Variants in ANKS1B observed in about 807,000 individuals in gnomAD.
ANKS1B encodes ankyrin repeat and sterile alpha motif domain-containing protein 1B.
ANKS1B carries 36 observed loss-of-function variants against 148.3 expected under a neutral mutation model. The ratio of observed to expected loss-of-function variants is 0.24; its 90% CI spans 0.19 to 0.32. The LOEUF (loss-of-function observed/expected upper bound fraction) is 0.32, where lower values mean the gene tolerates loss of function less well. ANKS1B is among the 10% of genes least tolerant of loss of function. The pLI, the probability that ANKS1B is intolerant of heterozygous loss-of-function variation, is 1.00. For missense variants in ANKS1B, 1,157 were observed against 1,542.6 expected, an observed-to-expected ratio of 0.75 and a Z score of 4.19; for synonymous variants, 542 against 560.8, an observed-to-expected ratio of 0.97 and a Z score of 0.47.
chr12:98,884,805 C>CAA (rs35160751), intron 17 of ANKS1B, among the ~76,000 whole-genome samples: 4,271 of 83,424 alleles, frequency 0.051, 317 homozygotes, highest in African/African-American at 0.16. Flanking sequence ...GACTCCGTCT[C>CAA]AAAAAAAAAA....
At chr12:99,291,206 T>C (rs1247570797) in intron 12 of ANKS1B, among the ~76,000 whole-genome samples, 40 of 151,938 alleles carry the variant, frequency 2.6e-4, no homozygotes, top group Admixed American at 2.6e-3. Flanking sequence ...ATAAAAACTG[T>C]AAAACACTGA....
chr12:99,913,248 T>C (rs180894995), intron 1 of ANKS1B, among the ~76,000 whole-genome samples: 75 of 152,318 alleles, frequency 4.9e-4, no homozygotes, highest in Admixed American at 8.5e-4. Context: ...GAAAGATTCC[T>C]TTGAAAAATT....
rs557982697 is a variant in ANKS1B at position 99,566,357 on chromosome 12, A to T, written c.1273-61716T>A. On this transcript the variant is annotated intron_variant, in intron 9 of 26. Coordinates refer to ENST00000683438, the MANE Select transcript of ANKS1B (RefSeq NM_001352186.2). ...CTTTCCATAAGATGGCAGAATGCACAATTTTGCTAATAGTTCTGCAAGTAT... is the reference window on the plus strand; with the variant it reads ...CTTTCCATAAGATGGCAGAATGCACTATTTTGCTAATAGTTCTGCAAGTAT... 3.3e-5 allele frequency among the ~76,000 whole-genome samples: 5 copies of T among 152,312 alleles called. No individual in the cohort carries two copies. The South Asian group carries it at 1.0e-3, about 32-fold the overall frequency.
chr12:99,106,540 G>C (rs2059257598), intron 15 of ANKS1B, among the ~76,000 whole-genome samples: 1 of 152,218 alleles, frequency 6.6e-6, no homozygotes, highest in Non-Finnish European at 1.5e-5. Flanking sequence ...TGGGCAAGAA[G>C]TGCTTTTAAA....
At chr12:99,625,363 C>T (rs2098101600) in intron 9 of ANKS1B, among the ~76,000 whole-genome samples, 1 of 152,012 alleles carries the variant, frequency 6.6e-6, no homozygotes, top group South Asian at 2.1e-4. Flanking sequence ...AGCAAATCTG[C>T]ACATGTACCC....
intron 9 of ANKS1B, among the ~76,000 whole-genome samples, chr12:99,571,197 TA>T (rs2097451829): frequency 6.6e-6 from 1 of 152,114 alleles, no homozygotes; most frequent in African/African-American, 2.4e-5. Context: ...GCATGTGATT[TA>T]CCATAACATG....
At chr12:99,087,597 T>A (rs947464749) in intron 15 of ANKS1B, among the ~76,000 whole-genome samples, 12 of 152,230 alleles carry the variant, frequency 7.9e-5, no homozygotes, top group Admixed American at 2.0e-4. Context: ...TGGACTAGTA[T>A]GGCATGAGCG....
At chr12:99,457,340 G>C (rs2095863734) in intron 10 of ANKS1B, among the ~76,000 whole-genome samples, 1 of 151,310 alleles carries the variant, frequency 6.6e-6, no homozygotes, top group African/African-American at 2.4e-5. Flanking sequence ...AAATCTCACA[G>C]GACCTATAAA....
chr12:99,155,819 G>GA (rs1437456479), intron 14 of ANKS1B, among the ~76,000 whole-genome samples: 1 of 152,054 alleles, frequency 6.6e-6, no homozygotes, highest in Non-Finnish European at 1.5e-5. Context: ...ACTTCTACTT[G>GA]AATACTGCCT....
intron 1 of ANKS1B, among the ~76,000 whole-genome samples, chr12:99,926,795 T>C (rs1234265122): frequency 1.3e-5 from 2 of 152,218 alleles, no homozygotes; most frequent in East Asian, 3.8e-4. Context: ...GCTACAAATG[T>C]TCCAGACCTT....
chr12:99,091,413 C>T (rs575539099), intron 15 of ANKS1B, among the ~76,000 whole-genome samples: 7 of 152,090 alleles, frequency 4.6e-5, no homozygotes, highest in Admixed American at 2.6e-4. Flanking sequence ...AAATGTAATT[C>T]ACTTGAGATG....
At chr12:99,536,390 T>TA (rs2097067127) in intron 9 of ANKS1B, among the ~76,000 whole-genome samples, 1 of 152,194 alleles carries the variant, frequency 6.6e-6, no homozygotes, top group Non-Finnish European at 1.5e-5. Flanking sequence ...AAAACTGCTC[T>TA]AAAAAATTAG....
chr12:99,336,169 A>G (rs577765757), intron 12 of ANKS1B, among the ~76,000 whole-genome samples: 5 of 152,182 alleles, frequency 3.3e-5, no homozygotes, highest in African/African-American at 1.2e-4. Context: ...TACGTCTTCT[A>G]TTGAGAGATG....
intron 17 of ANKS1B, among the ~76,000 whole-genome samples, chr12:98,986,192 G>A (rs1375161337): frequency 6.6e-6 from 1 of 151,200 alleles, no homozygotes; most frequent in African/African-American, 2.4e-5. Context: ...TCTATGATAT[G>A]TCAAACAGTG....
At chr12:99,338,392 C>T (rs903116280) in intron 12 of ANKS1B, among the ~76,000 whole-genome samples, 3 of 152,130 alleles carry the variant, frequency 2.0e-5, no homozygotes, top group African/African-American at 7.2e-5. Flanking sequence ...GTGGTGAATG[C>T]TGCCAGGCCT....
chr12:98,930,011 T>C (rs1413985075), intron 17 of ANKS1B, among the ~76,000 whole-genome samples: 2 of 152,094 alleles, frequency 1.3e-5, no homozygotes, highest in Non-Finnish European at 2.9e-5. Flanking sequence ...TCCACAAAAA[T>C]GGAGAAAATA....
intron 9 of ANKS1B, among the ~76,000 whole-genome samples, chr12:99,653,373 AAATGCAGTTTTATG>A (rs1203594816): frequency 2.6e-5 from 4 of 152,216 alleles, no homozygotes; most frequent in Non-Finnish European, 4.4e-5. Flanking sequence ...GTATTTTTAC[AAATGCAGTTTTATG>A]AGGGGAAAAT....
chr12:99,535,577 A>AC, intron 9 of ANKS1B, among the ~76,000 whole-genome samples: 1 of 152,114 alleles, frequency 6.6e-6, no homozygotes, highest in Non-Finnish European at 1.5e-5. Context: ...CCAACATGCC[A>AC]ATTTCACCTT....
intron 8 of ANKS1B, among the ~76,000 whole-genome samples, chr12:99,674,597 C>G (rs1177430661): frequency 6.6e-6 from 1 of 151,470 alleles, no homozygotes; most frequent in African/African-American, 2.4e-5. Context: ...AAAAGAAGCA[C>G]CAAAGTTTAT....
Sources: allele counts gnomAD v4.1 joint callset (sites outside exome capture counted in the v4.1 genomes callset), GRCh38; gene constraint gnomAD v4.1.1; transcripts MANE v1.5; gene names NCBI Gene and HGNC (gene_info 2026-07-23, HGNC 2026-07-21).